The following CMSS1 variants were observed in gnomAD, a reference collection of about 807,000 sequenced individuals.
The protein encoded by CMSS1 is cms1 ribosomal small subunit homolog.
In CMSS1, 33 loss-of-function variants were observed where a neutral mutation model predicts 43.5. That is an observed-to-expected ratio of 0.76 (90% CI 0.57 to 1.01). The LOEUF (loss-of-function observed/expected upper bound fraction) is 1.01. Among genes scored for constraint, CMSS1 ranks in the 50% least tolerant of loss-of-function variants. The probability of loss-of-function intolerance (pLI) is 0.00; values close to 1 mark genes in which losing one functional copy is unlikely to be tolerated. For missense variants in CMSS1, 313 were observed against 326.4 expected (o/e 0.96, Z 0.32); for synonymous variants, 115 against 117.2 (o/e 0.98, Z 0.12).
chr3:100,109,903 A>ACCGCC (rs1491348077), intron 1 of CMSS1: 5 of 72,362 alleles, frequency 6.9e-5, no homozygotes, highest in African/African-American at 2.8e-4. Context: ...TTCTTTTATG[A>ACCGCC]CCCCCCCCCC....
chr3:99,896,016 A>G (rs990464270), intron 1 of CMSS1, among the ~76,000 whole-genome samples: 1 of 152,208 alleles, frequency 6.6e-6, no homozygotes, highest in Non-Finnish European at 1.5e-5. Context: ...TCTGCAGGGA[A>G]CTGCCACGGT....
chr3:99,931,591 G>A (rs1707485283), intron 1 of CMSS1, among the ~76,000 whole-genome samples: 1 of 152,166 alleles, frequency 6.6e-6, no homozygotes, highest in Admixed American at 6.6e-5. Flanking sequence ...TGAAGGCCAA[G>A]TCTAGTATTA....
chr3:100,166,490 A>G, intron 5 of CMSS1, 96 bp downstream of exon 5: 1 of 754,570 alleles, frequency 1.3e-6, no homozygotes, highest in Non-Finnish European at 2.3e-6. Flanking sequence ...TTTATAACAC[A>G]TTAGGCCATT....
At chr3:100,094,636 T>C (rs1475078536) in intron 1 of CMSS1, among the ~76,000 whole-genome samples, 8 of 151,322 alleles carry the variant, frequency 5.3e-5, no homozygotes, top group Admixed American at 4.6e-4. Flanking sequence ...TTCCTATGGA[T>C]GTCCAATTTC....
chr3:100,012,009 A>G (rs1329711291), intron 1 of CMSS1, among the ~76,000 whole-genome samples: 1 of 152,344 alleles, frequency 6.6e-6, no homozygotes, highest in Non-Finnish European at 1.5e-5. Flanking sequence ...CATATCAATT[A>G]TCATTTACCT....
intron 1 of CMSS1, among the ~76,000 whole-genome samples, chr3:99,983,909 G>T (rs1258455474): frequency 6.6e-6 from 1 of 152,082 alleles, no homozygotes; most frequent in East Asian, 1.9e-4. Context: ...TCACAAAACA[G>T]CCTAGAGGAA....
chr3:99,866,393 T>A (rs143284118), intron 1 of CMSS1, among the ~76,000 whole-genome samples: 1 of 152,238 alleles, frequency 6.6e-6, no homozygotes, highest in East Asian at 1.9e-4. Context: ...AGTGGGAAAT[T>A]CAAACTTCAG....
In CMSS1 at chr3:99,929,287, G is replaced by A. The variant is rs138988317; in HGVS notation, c.64+111244G>A. 6.7e-3 allele frequency among the ~76,000 whole-genome samples: 1,026 copies of A among 152,304 alleles called. 3 individuals carry two copies. Among genetic ancestry groups the A allele is most frequent in the African/African-American group, 8.5e-3 (354 of 41,552 alleles). ...CCGTTGTAATTGCTAGGTACGCTTG[G>A]TGAGGGAAAGGTCTTTGCTGTCATT... is the stretch of plus-strand genomic sequence containing the variant. On this transcript the variant is annotated intron_variant, in intron 1 of 9. Coordinates refer to ENST00000421999, the MANE Select transcript of CMSS1 (RefSeq NM_032359.4).
At chr3:100,110,439 A>C (rs1235421032) in intron 1 of CMSS1, among the ~76,000 whole-genome samples, 1 of 152,104 alleles carries the variant, frequency 6.6e-6, no homozygotes, top group African/African-American at 2.4e-5. Context: ...CCAATTTCCT[A>C]GTCAAGTGAT....
intron 1 of CMSS1, among the ~76,000 whole-genome samples, chr3:99,976,592 G>A (rs187816208): frequency 3.5e-4 from 53 of 152,208 alleles, no homozygotes; most frequent in African/African-American, 1.2e-3. Flanking sequence ...ATGATTTGCA[G>A]CAAGAAGTTT....
At chr3:99,904,934 A>G (rs1261401084) in intron 1 of CMSS1, among the ~76,000 whole-genome samples, 1 of 152,112 alleles carries the variant, frequency 6.6e-6, no homozygotes, top group African/African-American at 2.4e-5. Flanking sequence ...TGGGTCCTTG[A>G]AGTCAGGTTT....
At chr3:99,945,935 G>A (rs1053336551) in intron 1 of CMSS1, among the ~76,000 whole-genome samples, 8 of 152,204 alleles carry the variant, frequency 5.3e-5, no homozygotes, top group East Asian at 1.9e-4. Flanking sequence ...TGTCCACAGC[G>A]TGCAACTCAT....
chr3:100,017,760 A>G (rs1312260250), intron 1 of CMSS1, among the ~76,000 whole-genome samples: 19 of 152,000 alleles, frequency 1.3e-4, no homozygotes, highest in Admixed American at 1.2e-3. Flanking sequence ...CACTGTCTCT[A>G]AAAATAATAC....
rs185630662 is a variant in CMSS1, at chr3:99,944,918, G to A, written c.64+126875G>A. Among the ~76,000 whole-genome samples, 122 of 152,302 alleles carry A rather than the reference G, an allele frequency of 8.0e-4. 2 individuals carry two copies. The highest frequency in any genetic ancestry group is 5.8e-3 in the Admixed American group (89 of 15,304). On this transcript the variant is annotated intron_variant, in intron 1 of 9. Coordinates refer to ENST00000421999, the MANE Select transcript of CMSS1 (RefSeq NM_032359.4). ...AAAGCCTAGGTTTGGTCAAATCTGC[G>A]ATGAAGGCACAGAGTGAATTAAATT...
chr3:100,120,638 G>A (rs191888382), intron 1 of CMSS1, among the ~76,000 whole-genome samples: 203 of 152,152 alleles, frequency 1.3e-3, no homozygotes, highest in Middle Eastern at 3.4e-3. Context: ...TGTCTCTGTC[G>A]CTCAGGAACT....
At chr3:99,842,955 T>C (rs536407020) in intron 1 of CMSS1, among the ~76,000 whole-genome samples, 2 of 152,332 alleles carry the variant, frequency 1.3e-5, no homozygotes, top group South Asian at 2.1e-4. Flanking sequence ...TGCTCTGATA[T>C]ATTGACTGCC....
intron 1 of CMSS1, among the ~76,000 whole-genome samples, chr3:100,010,438 C>G (rs1268309678): frequency 6.6e-6 from 1 of 151,962 alleles, no homozygotes; most frequent in Non-Finnish European, 1.5e-5. Flanking sequence ...TTTAGAGCTC[C>G]AAGAAGTAGA....
At chr3:99,875,012 A>G (rs993112915) in intron 1 of CMSS1, among the ~76,000 whole-genome samples, 1 of 152,192 alleles carries the variant, frequency 6.6e-6, no homozygotes, top group African/African-American at 2.4e-5. Flanking sequence ...TACTTATAAA[A>G]CATAGAGACT....
At chr3:99,927,064 C>T (rs892113844) in intron 1 of CMSS1, among the ~76,000 whole-genome samples, 5 of 152,246 alleles carry the variant, frequency 3.3e-5, no homozygotes, top group South Asian at 2.1e-4. Flanking sequence ...ATCTTCCCAC[C>T]GATCCTACCC....
Sources: allele counts gnomAD v4.1 joint callset (sites outside exome capture counted in the v4.1 genomes callset), GRCh38; gene constraint gnomAD v4.1.1; transcripts MANE v1.5; gene names NCBI Gene and HGNC (gene_info 2026-07-23, HGNC 2026-07-21).